The following PITPNM1 variants were observed in gnomAD, a reference collection of about 807,000 sequenced individuals.
PITPNM1 encodes membrane-associated phosphatidylinositol transfer protein 1.
Under a neutral mutation model 133.3 loss-of-function variants are expected in PITPNM1, and 74 were observed. That is an observed-to-expected ratio of 0.56 (90% CI 0.46 to 0.67). PITPNM1 has a LOEUF of 0.67. Ranked by LOEUF, PITPNM1 falls within the 30% of genes least tolerant of loss-of-function variation. The probability of loss-of-function intolerance (pLI) is 0.00; values close to 1 mark genes in which losing one functional copy is unlikely to be tolerated. For missense variants in PITPNM1, 1,398 were observed against 1,739.5 expected (o/e 0.80, Z 3.49); for synonymous variants, 738 against 741.4 (o/e 1.00, Z 0.08).
chr11:67,497,632 CA>C lies in PITPNM1; in HGVS notation c.1829del (p.Leu610ArgfsTer101). The C allele has an allele frequency of 1.2e-6, 2 of 1,608,670 alleles. No individual in the cohort carries two copies. The highest frequency in any genetic ancestry group is 1.7e-6 in the Non-Finnish European group (2 of 1,178,676). ...SPEFGPVRDPLADGVEGLGRG... is the reference protein window; with the variant it reads ...SPEFGPVRDPXADGVEGLGRG... ...GACCCAGGCCTTCCACACCATCTGCCAGGGGGTCCCGCACTGGGCCAAACTC... is the reference window on the plus strand; with the variant it reads ...GACCCAGGCCTTCCACACCATCTGCCGGGGGTCCCGCACTGGGCCAAACTC... On this transcript the variant is annotated frameshift_variant, in exon 13 of 24. Coordinates refer to ENST00000356404, the MANE Select transcript of PITPNM1 (RefSeq NM_004910.3). LOFTEE classifies it high-confidence loss of function.
Position 67,493,928 on chromosome 11 carries a change from A to G in PITPNM1, c.3002T>C (p.Val1001Ala). ...LGIGVYPVRM[V>A]VRGDHTYAEC... is the part of the protein sequence containing the mutation. ...CCCGGCCAGCCGCGCTCACCTGACC[A>G]CCATGCGCACGGGGTAGACACCAAT... The change falls in exon 20 of 24, where the codon GTG (valine) becomes GCG (alanine). Residue 1001 changes from valine (V) to alanine (A), a missense_variant. Physicochemically the swap from Val to Ala is moderately conservative, Grantham distance 64. This residue lies in a region of PITPNM1 where 233 missense variants were observed against 378.0 expected (regional missense o/e 0.62). Transcript: ENST00000356404. The G allele has an allele frequency of 6.4e-7, 1 of 1,568,764 alleles. No homozygotes were observed. The highest frequency in any genetic ancestry group is 1.2e-5 in the South Asian group (1 of 84,574).
chr11:67,501,769 T>G, intron 5 of PITPNM1, 93 bp downstream of exon 5: 1 of 1,108,314 alleles, frequency 9.0e-7, no homozygotes, highest in Non-Finnish European at 1.3e-6. Flanking sequence ...GCTTTCTGCT[T>G]CTGTGTCCCC....
In PITPNM1 at chr11:67,491,972, G is replaced by GCAGC. The variant is rs1250700410; in HGVS notation, c.*57_*60dup. ...AGTCTGGGTCCCCAGCCTCCCACACGCAGCCCCTCGGGCCCCTTGGGTGTG... is the reference window on the plus strand; with the variant it reads ...AGTCTGGGTCCCCAGCCTCCCACACGCAGCCAGCCCCTCGGGCCCCTTGGGTGTG... On this transcript the variant is annotated 3_prime_UTR_variant, in exon 24 of 24. Transcript: ENST00000356404. 2.6e-6 allele frequency: 4 copies of GCAGC among 1,556,212 alleles called. No homozygotes were observed. In the African/African-American group the frequency reaches 5.4e-5, roughly 21 times the overall value.
At position 67,498,554 on chromosome 11, in the gene PITPNM1, C is replaced by T. The variant is rs1177158247; in HGVS notation, c.1484+42G>A. ...CCCGCTCCCTGCCCCGCTCCCTGGC[C>T]TGATCCTACGAGTTCCCTGCCCTTC... On this transcript the variant is annotated intron_variant, in intron 10 of 23. Transcript: ENST00000356404. The surrounding 1 kb of genome is among the most constrained non-coding windows in gnomAD (Gnocchi z 5.7). 9.5e-6 allele frequency: 15 copies of T among 1,582,626 alleles called. No homozygotes were observed. Among genetic ancestry groups the T allele is most frequent in the African/African-American group, 1.3e-5 (1 of 74,668 alleles).
rs765595134 is a variant in PITPNM1, at chr11:67,498,774, C to T, written c.1306G>A (p.Gly436Ser). 8.1e-6 allele frequency: 13 copies of T among 1,612,222 alleles called. No individual in the cohort carries two copies. Among genetic ancestry groups the T allele is most frequent in the Non-Finnish European group, 1.1e-5 (13 of 1,179,996 alleles). ...CCAGGGCCTGAGTCCAGGATGTTGCCGCTGTGCAGGATAAGGAAGAGGGCG... is the reference window on the plus strand; with the variant it reads ...CCAGGGCCTGAGTCCAGGATGTTGCTGCTGTGCAGGATAAGGAAGAGGGCG... ...VHALFLILHSGNILDSGPGDA... is the reference protein window; with the variant it reads ...VHALFLILHSSNILDSGPGDA... The change falls in exon 10 of 24, where the codon GGC (glycine) becomes AGC (serine). Residue 436 changes from glycine to serine, a missense_variant. Physicochemically the swap from Gly to Ser is moderately conservative, Grantham distance 56. Transcript: ENST00000356404. The surrounding 1 kb of genome is among the most constrained non-coding windows in gnomAD (Gnocchi z 5.7).
chr11:67,496,483 G>A (rs1866126420), intron 14 of PITPNM1, 135 bp from the exon 15 acceptor site: 2 of 735,214 alleles, frequency 2.7e-6, no homozygotes, highest in South Asian at 1.9e-5. Flanking sequence ...GCACTCCCTG[G>A]GAAGTCAGTA....
chr11:67,499,743 A>G lies in PITPNM1; in HGVS notation c.1151T>C (p.Val384Ala), dbSNP rs748516380. 1.3e-5 allele frequency: 20 copies of G among 1,504,960 alleles called. No individual in the cohort carries two copies. Among genetic ancestry groups the G allele is most frequent in the Non-Finnish European group, 1.6e-5 (18 of 1,122,270 alleles). The allele number at this position is 1,504,960 out of a possible 1,614,324, so 93.2% of individuals were successfully genotyped here. Residue 384 changes from valine (V) to alanine (A), a missense_variant, in exon 8 of 24, where the codon GTG becomes GCG. Physicochemically the swap from Val to Ala is moderately conservative, Grantham distance 64. Around this residue, in one of 5 missense-constraint regions of PITPNM1, gnomAD observed 195 missense variants for 178.8 expected, o/e 1.09. Coordinates refer to ENST00000356404, the MANE Select transcript of PITPNM1 (RefSeq NM_004910.3). ...NDFIDAFASP[V>A]EAEGTPEPGA... ...TTTACCTGGCGTTCCCTCTGCCTCC[A>G]CTGGGGAGGCAAAGGCATCAATGAA...
Position 67,497,444 on chromosome 11 carries a change from G to A in PITPNM1, c.1941-8C>T. ...GCGGGGGCTGCCTGAAGGCTGTGGG[G>A]GAGGAGGGGTGCTCAGTGCTGCTGC... On this transcript the variant is annotated splice_region_variant and splice_polypyrimidine_tract_variant and intron_variant, in intron 13 of 23. Coordinates refer to ENST00000356404, the MANE Select transcript of PITPNM1 (RefSeq NM_004910.3). 1 of 1,591,228 alleles carries A rather than the reference G, an allele frequency of 6.3e-7. No individual in the cohort carries two copies. The highest frequency in any genetic ancestry group is 8.6e-7 in the Non-Finnish European group (1 of 1,166,744).
chr11:67,494,310 G>T lies in PITPNM1; in HGVS notation c.2793C>A (p.Arg931=). 5.0e-6 allele frequency: 8 copies of T among 1,612,058 alleles called. No homozygotes were observed. The highest frequency in any genetic ancestry group is 5.9e-6 in the Non-Finnish European group (7 of 1,179,604). Residue 931 remains arginine (R), a synonymous_variant, in exon 19 of 24, where the codon CGC becomes CGA. Transcript: ENST00000356404. ...RASDTVVCEG[R]PQVLSGRFMY... ...TGAAGCGCCCGCTTAGCACCTGGGGGCGGCCCTCGCACACCACCGTGTCGC... is the reference window on the plus strand; with the variant it reads ...TGAAGCGCCCGCTTAGCACCTGGGGTCGGCCCTCGCACACCACCGTGTCGC...
At position 67,500,410 on chromosome 11, in the gene PITPNM1, C is replaced by A. The variant is rs1330309085; in HGVS notation, c.652G>T (p.Val218Leu). The change falls in exon 6 of 24, where the codon GTG (valine) becomes TTG (leucine). Residue 218 changes from valine to leucine, a missense_variant. Around this residue, in one of 5 missense-constraint regions of PITPNM1, gnomAD observed 274 missense variants for 360.7 expected, o/e 0.76. Coordinates refer to ENST00000356404, the MANE Select transcript of PITPNM1 (RefSeq NM_004910.3). ...QFIHDVGLRR[V>L]MLRAHRQAWC... ...GCCTGGCGGTGGGCCCGCAGCATCACCCGACGCAGACCTGCAGGTGCCCAG... is the reference window on the plus strand; with the variant it reads ...GCCTGGCGGTGGGCCCGCAGCATCAACCGACGCAGACCTGCAGGTGCCCAG... The A allele has an allele frequency of 6.2e-7, 1 of 1,609,122 alleles. No individual in the cohort carries two copies. Among genetic ancestry groups the A allele is most frequent in the African/African-American group, 1.3e-5 (1 of 74,938 alleles).
At chr11:67,506,050 C>T (rs1030195141), upstream of PITPNM1, 1 of 152,438 alleles carries the variant, frequency 6.6e-6, no homozygotes, top group Non-Finnish European at 1.5e-5. Flanking sequence ...AGCCCCTCCC[C>T]TTGACACTGA....
At chr11:67,497,815 G>A (rs1866178509) in intron 12 of PITPNM1, 102 bp downstream of exon 12, 3 of 1,459,218 alleles carry the variant, frequency 2.1e-6, no homozygotes, top group Non-Finnish European at 2.8e-6. Flanking sequence ...AGGGCAGCAG[G>A]GGGCCTGCCT....
At chr11:67,492,902 G>T (rs778358070) in intron 23 of PITPNM1, 32 bp downstream of exon 23, 3 of 1,601,912 alleles carry the variant, frequency 1.9e-6, no homozygotes, top group East Asian at 4.5e-5. Flanking sequence ...CCCCTGGTGG[G>T]GTCCTGTTCC....
intron 2 of PITPNM1, 173 bp downstream of exon 2, chr11:67,503,930 G>A: frequency 1.9e-6 from 1 of 528,294 alleles, no homozygotes; most frequent in South Asian, 2.4e-5. Flanking sequence ...CGGATGGGAA[G>A]CACCACTCGG....
chr11:67,496,689 C>T (rs1866131802), intron 14 of PITPNM1: 1 of 276,726 alleles, frequency 3.6e-6, no homozygotes, highest in South Asian at 7.0e-5. Context: ...AATCCCAGCA[C>T]TGTGGGAGGC....
Position 67,497,524 on chromosome 11 carries a change from G to T in PITPNM1, c.1938C>A (p.Asn646Lys), listed in dbSNP as rs1387173779. The T allele has an allele frequency of 1.9e-6, 3 of 1,607,196 alleles. No individual in the cohort carries two copies. In the African/African-American group the frequency reaches 4.0e-5, roughly 22 times the overall value. The stretch of plus-strand genomic sequence containing the variant: ...GGGTGATGGGGCAGGGACGTCACCT[G>T]TTCTGAGAGCCCTCGGGCTCAGGAC... ...MASPEPEGSQ[N>K]SLQAAPATTS... The change falls in exon 13 of 24, where the codon AAC (asparagine) becomes AAA (lysine). Residue 646 changes from asparagine to lysine, a missense_variant and splice_region_variant. This residue lies in a region of PITPNM1 where 574 missense variants were observed against 698.7 expected (regional missense o/e 0.82). Coordinates refer to ENST00000356404, the MANE Select transcript of PITPNM1 (RefSeq NM_004910.3).
At position 67,498,832 on chromosome 11, in the gene PITPNM1, G is replaced by T. The variant is rs773400216; in HGVS notation, c.1248C>A (p.Ala416=). The part of the protein sequence containing the change: ...APRDSEGLDG[A]GELGAEACAV... Reference sequence around the variant, plus strand: ...CGCATGCCTCAGCCCCCAGCTCCCCGGCTCCATCCAGGCCCTGGGGGGAAC... The same window carrying T: ...CGCATGCCTCAGCCCCCAGCTCCCCTGCTCCATCCAGGCCCTGGGGGGAAC... Residue 416 remains alanine (A), a synonymous_variant, in exon 10 of 24, where the codon GCC becomes GCA. Coordinates refer to ENST00000356404, the MANE Select transcript of PITPNM1 (RefSeq NM_004910.3). This position sits in a 1 kb window ranked among gnomAD's most constrained non-coding sequence, Gnocchi z 5.7. 1.2e-6 allele frequency: 2 copies of T among 1,610,180 alleles called. No individual in the cohort carries two copies. Among genetic ancestry groups the T allele is most frequent in the Non-Finnish European group, 1.7e-6 (2 of 1,177,700 alleles).
At position 67,495,495 on chromosome 11, in the gene PITPNM1, C is replaced by T. The variant is rs369366630; in HGVS notation, c.2425G>A (p.Ala809Thr). 3 of 1,572,804 alleles carry T rather than the reference C, an allele frequency of 1.9e-6. No homozygotes were observed. The highest frequency in any genetic ancestry group is 1.4e-5 in the African/African-American group (1 of 73,724). Residue 809 changes from alanine (A) to threonine (T), a missense_variant, in exon 16 of 24, where the codon GCC becomes ACC. Around this residue, in one of 5 missense-constraint regions of PITPNM1, gnomAD observed 574 missense variants for 698.7 expected, o/e 0.82. Transcript: ENST00000356404. The part of the protein sequence containing the change: ...SGAFWKGSEL[A>T]TDPPAQPAAP... Reference sequence around the variant, plus strand: ...GCTGGCTGGGCCGGGGGGTCAGTGGCCAACTCACTGCCCTTCCAGAAGGCA... The same window carrying T: ...GCTGGCTGGGCCGGGGGGTCAGTGGTCAACTCACTGCCCTTCCAGAAGGCA...
rs761557780 is a variant in PITPNM1, at chr11:67,497,342, C to T, written c.2035G>A (p.Gly679Ser). The part of the protein sequence containing the change: ...PPAASSEAPD[G>S]PSSTARLDFK... ...TCAAGGCGGGCAGTGCTGCTGGGGC[C>T]GTCAGGTGCCTCGGAACTGGCAGCG... The change falls in exon 14 of 24, where the codon GGC becomes AGC. Residue 679 changes from glycine (G) to serine (S), a missense_variant. By Grantham distance (56) the Gly-to-Ser change is moderately conservative. Transcript: ENST00000356404. 1.9e-5 allele frequency: 31 copies of T among 1,608,662 alleles called. No homozygotes were observed. Among genetic ancestry groups the T allele is most frequent in the African/African-American group, 1.3e-4 (10 of 74,804 alleles).
Sources: allele counts gnomAD v4.1 joint callset, GRCh38; gene constraint gnomAD v4.1.1; regional missense constraint gnomAD v4.1.1; non-coding constraint Gnocchi (gnomAD v3.1); transcripts MANE v1.5; gene names NCBI Gene and HGNC (gene_info 2026-07-23, HGNC 2026-07-21).